The following STARD13 variants were observed in gnomAD, a reference collection of about 807,000 sequenced individuals.
The protein encoded by STARD13 is StAR related lipid transfer domain containing 13.
In STARD13, 62 loss-of-function variants were observed where a neutral mutation model predicts 106.4. The ratio of observed to expected loss-of-function variants is 0.58; its 90% CI spans 0.48 to 0.72. The LOEUF is 0.72. STARD13 is among the 30% of genes least tolerant of loss of function. The probability of loss-of-function intolerance (pLI) is 0.00; values close to 1 mark genes in which losing one functional copy is unlikely to be tolerated. For missense variants in STARD13, 1,387 were observed against 1,424.0 expected (o/e 0.97, Z 0.42); for synonymous variants, 565 against 553.0 (o/e 1.02, Z -0.31).
the STARD13 span, among the ~76,000 whole-genome samples, chr13:33,612,336 C>G: frequency 6.6e-5 from 10 of 152,164 alleles, no homozygotes; most frequent in African/African-American, 2.4e-4. Context: ...AGACACTTGA[C>G]TTTCCTCTGG....
chr13:33,493,923 G>C, the STARD13 span, among the ~76,000 whole-genome samples: 3 of 151,238 alleles, frequency 2.0e-5, no homozygotes, highest in African/African-American at 7.3e-5. Flanking sequence ...TTGGTGCCAG[G>C]TTAATGACAT....
At chr13:33,112,649 A>G (rs1874765975) in intron 9 of STARD13, 72 bp downstream of exon 9, 1 of 1,212,126 alleles carries the variant, frequency 8.2e-7, no homozygotes, top group Non-Finnish European at 1.2e-6. Flanking sequence ...CCATCCATCC[A>G]TCCATCCAGT....
the STARD13 span, among the ~76,000 whole-genome samples, chr13:33,544,770 CTT>C: frequency 0.18 from 19,359 of 107,108 alleles, 826 homozygotes; most frequent in East Asian, 0.29. Flanking sequence ...TGTTTTTTCT[CTT>C]TTTTTTTTTT....
At chr13:33,260,831 G>A (rs1890604503) in intron 1 of STARD13, among the ~76,000 whole-genome samples, 1 of 151,288 alleles carries the variant, frequency 6.6e-6, no homozygotes, top group South Asian at 2.1e-4. Flanking sequence ...GAAAACGTAA[G>A]TGTTTCTGAA....
chr13:33,338,369 C>T (rs983249063), intron 1 of STARD13, among the ~76,000 whole-genome samples: 11 of 152,162 alleles, frequency 7.2e-5, no homozygotes, highest in Non-Finnish European at 1.6e-4. Flanking sequence ...TTAATTAGGT[C>T]TCCATCAAAT....
chr13:33,652,408 C>T, the STARD13 span, among the ~76,000 whole-genome samples: 1 of 152,208 alleles, frequency 6.6e-6, no homozygotes, highest in East Asian at 1.9e-4. Flanking sequence ...GATAAAGTCA[C>T]ACATGGACTT....
chr13:33,569,058 A>G, the STARD13 span, among the ~76,000 whole-genome samples: 8 of 148,256 alleles, frequency 5.4e-5, 1 homozygote, highest in Non-Finnish European at 1.2e-4. Context: ...TCTGAGTGCA[A>G]ATAACACCAA....
chr13:33,212,113 G>A (rs2138140855), intron 1 of STARD13, among the ~76,000 whole-genome samples: 1 of 152,232 alleles, frequency 6.6e-6, no homozygotes, highest in East Asian at 1.9e-4. Flanking sequence ...GGTTTCAGGG[G>A]ACCAGACCAA....
chr13:33,593,858 C>T, the STARD13 span, among the ~76,000 whole-genome samples: 24 of 152,126 alleles, frequency 1.6e-4, no homozygotes, highest in Non-Finnish European at 2.9e-4. Flanking sequence ...ACACAGTCCC[C>T]TGGTGGCAGT....
chr13:33,163,927 G>A (rs1256451941), intron 3 of STARD13, among the ~76,000 whole-genome samples: 1 of 151,866 alleles, frequency 6.6e-6, no homozygotes. Flanking sequence ...GGCTCTGAGT[G>A]GAGTGAATGC....
At chr13:33,318,163 A>G (rs1256480244) in intron 1 of STARD13, among the ~76,000 whole-genome samples, 1 of 152,230 alleles carries the variant, frequency 6.6e-6, no homozygotes, top group Non-Finnish European at 1.5e-5. Context: ...AAGTAGTATC[A>G]CCCTCAGTTT....
At chr13:33,135,432 G>T (rs1343986338) in intron 4 of STARD13, among the ~76,000 whole-genome samples, 1 of 152,226 alleles carries the variant, frequency 6.6e-6, no homozygotes, top group African/African-American at 2.4e-5. Flanking sequence ...GTACTGGTGT[G>T]TGGTCAATCT....
chr13:33,542,766 G>C, the STARD13 span, among the ~76,000 whole-genome samples: 6 of 152,220 alleles, frequency 3.9e-5, no homozygotes, highest in African/African-American at 1.4e-4. Context: ...CAAAGGAAGG[G>C]ATCCGGTGAC....
chr13:33,118,096 C>T lies in STARD13; in HGVS notation c.2250G>A (p.Lys750=), dbSNP rs1307185312. ...RDLPEPLFTN[K]LSETFLHIYQ... is the part of the protein sequence containing the mutation. Reference sequence around the variant, plus strand: ...AGATATGGAGAAAGGTCTCACTGAGCTTGTTGGTGAAAAGAGGCTCAGGGA... The same window carrying T: ...AGATATGGAGAAAGGTCTCACTGAGTTTGTTGGTGAAAAGAGGCTCAGGGA... The change falls in exon 8 of 14, where the codon AAG becomes AAA. Residue 750 remains lysine (K), a synonymous_variant. Coordinates refer to ENST00000336934, the MANE Select transcript of STARD13 (RefSeq NM_178006.4). The T allele has an allele frequency of 1.2e-6, 2 of 1,614,186 alleles. No homozygotes were observed. Among genetic ancestry groups the T allele is most frequent in the Non-Finnish European group, 1.7e-6 (2 of 1,180,036 alleles).
chr13:33,138,386 T>C (rs969571570), intron 4 of STARD13: 1 of 150,260 alleles, frequency 6.7e-6, no homozygotes, highest in African/African-American at 2.4e-5. Flanking sequence ...GTGTTTTTAA[T>C]TTAGATGAGT....
At chr13:33,299,322 A>G (rs968810865) in intron 1 of STARD13, among the ~76,000 whole-genome samples, 2 of 152,202 alleles carry the variant, frequency 1.3e-5, no homozygotes, top group African/African-American at 4.8e-5. Flanking sequence ...CCTCACAACA[A>G]TGAGCAAAAT....
intron 1 of STARD13, among the ~76,000 whole-genome samples, chr13:33,246,712 C>A (rs1889839709): frequency 6.6e-6 from 1 of 151,720 alleles, no homozygotes; most frequent in Admixed American, 6.6e-5. Flanking sequence ...AAAACAAAAA[C>A]AAAAACTAAG....
chr13:33,217,735 C>T (rs1267480936), intron 1 of STARD13, among the ~76,000 whole-genome samples: 2 of 152,106 alleles, frequency 1.3e-5, no homozygotes, highest in African/African-American at 4.8e-5. Flanking sequence ...GAAATAAACA[C>T]CTTCATGAAA....
chr13:33,169,368 C>T (rs1275277661), intron 1 of STARD13, among the ~76,000 whole-genome samples: 1 of 152,162 alleles, frequency 6.6e-6, no homozygotes, highest in Non-Finnish European at 1.5e-5. Flanking sequence ...GATAACCACA[C>T]AAGTATTTCA....
Sources: gnomAD v4.1 joint callset for allele counts (sites outside exome capture counted in the v4.1 genomes callset) on GRCh38, gnomAD v4.1.1 for gene constraint, MANE v1.5 for transcripts, NCBI Gene and HGNC (gene_info 2026-07-23, HGNC 2026-07-21) for gene names.